The following UNC13C variants were observed in gnomAD, a reference collection of about 807,000 sequenced individuals.
The protein encoded by UNC13C is protein unc-13 homolog C.
Under a neutral mutation model 245.4 loss-of-function variants are expected in UNC13C, and 174 were observed. That is an observed-to-expected ratio of 0.71 (90% CI 0.63 to 0.80). UNC13C has a LOEUF of 0.80. Ranked by LOEUF, UNC13C falls within the 30% of genes least tolerant of loss-of-function variation. UNC13C has a pLI of 0.00. For missense variants in UNC13C, 2,829 were observed against 2,602.9 expected, an observed-to-expected ratio of 1.09 and a Z score of -1.89; for synonymous variants, 992 against 895.1, an observed-to-expected ratio of 1.11 and a Z score of -1.93.
the UNC13C span, among the ~76,000 whole-genome samples, chr15:53,859,927 G>T: frequency 1.3e-5 from 2 of 152,022 alleles, no homozygotes; most frequent in Non-Finnish European, 2.9e-5. Context: ...GGTTCTTTAG[G>T]GTGAGAAATA....
chr15:53,939,698 T>A, the UNC13C span, among the ~76,000 whole-genome samples: 50,301 of 151,980 alleles, frequency 0.33, 8,354 homozygotes, highest in Middle Eastern at 0.34. Context: ...CAAATTAATA[T>A]AGATAATTCA....
the UNC13C span, among the ~76,000 whole-genome samples, chr15:53,921,505 A>G: frequency 1.3e-5 from 2 of 152,344 alleles, no homozygotes; most frequent in East Asian, 1.9e-4. Flanking sequence ...TGGAGACTAT[A>G]TATTGCATAC....
chr15:53,920,057 A>G, the UNC13C span, among the ~76,000 whole-genome samples: 460 of 152,048 alleles, frequency 3.0e-3, no homozygotes, highest in African/African-American at 0.01. Flanking sequence ...TGTTAGCCTA[A>G]TTTACTATGA....
chr15:53,912,549 T>C, the UNC13C span: 107,727 of 151,938 alleles, frequency 0.71, 38,566 homozygotes, highest in South Asian at 0.85. Flanking sequence ...TACTCTGCTA[T>C]CCACCTGTAC....
At chr15:54,122,036 A>G (rs1046477361) in intron 2 of UNC13C, among the ~76,000 whole-genome samples, 1 of 152,058 alleles carries the variant, frequency 6.6e-6, no homozygotes, top group African/African-American at 2.4e-5. Context: ...TAGGCTGTCT[A>G]TAGGTTGCTT....
intron 30 of UNC13C, among the ~76,000 whole-genome samples, chr15:54,591,891 CTG>C (rs1485143434): frequency 2.0e-5 from 3 of 151,914 alleles, no homozygotes; most frequent in Admixed American, 6.6e-5. Context: ...CTTAGATTGT[CTG>C]TGTGTGCTCT....
intron 19 of UNC13C, among the ~76,000 whole-genome samples, chr15:54,453,538 A>AT (rs1891299709): frequency 6.6e-6 from 1 of 152,168 alleles, no homozygotes; most frequent in Non-Finnish European, 1.5e-5. Context: ...AGGTTGTTAG[A>AT]TTTTTTAAGT....
intron 15 of UNC13C, among the ~76,000 whole-genome samples, chr15:54,333,278 A>C (rs556798150): frequency 1.3e-3 from 204 of 152,176 alleles, no homozygotes; most frequent in African/African-American, 4.6e-3. Flanking sequence ...TTTTTTTAAA[A>C]TCCATAGTAT....
At chr15:54,172,600 T>C (rs2141286427) in intron 4 of UNC13C, among the ~76,000 whole-genome samples, 1 of 150,420 alleles carries the variant, frequency 6.6e-6, no homozygotes, top group Non-Finnish European at 1.5e-5. Context: ...AATGTTTCCA[T>C]ATTATTTTTC....
At chr15:54,362,760 C>A (rs1567215979) in intron 17 of UNC13C, among the ~76,000 whole-genome samples, 1 of 152,058 alleles carries the variant, frequency 6.6e-6, no homozygotes. Flanking sequence ...TACTGCATGA[C>A]TCAGACAAAT....
rs996266471 is a variant in UNC13C at position 54,144,323 on chromosome 15, G to T, written c.3071+639G>T. Among the ~76,000 whole-genome samples the T allele has an allele frequency of 6.2e-5, 4 of 64,910 alleles. 1 individual carries two copies. Among genetic ancestry groups the T allele is most frequent in the African/African-American group, 9.6e-5 (2 of 20,832 alleles). 42.6% of individuals were successfully genotyped at this position (64,910 alleles called of 152,430 possible). A position where few individuals can be genotyped will look rare whatever the true frequency, so the allele number is the denominator to read the frequency against. On this transcript the variant is annotated intron_variant, in intron 4 of 32. Transcript: ENST00000260323. ...GTGTTCATATAAAATAAGTAGTTTT[G>T]CATCGTGGTTTTTTTTTTTGCATTT... is the stretch of plus-strand genomic sequence containing the variant.
At chr15:54,498,179 A>G (rs1894039817) in intron 20 of UNC13C, among the ~76,000 whole-genome samples, 1 of 152,094 alleles carries the variant, frequency 6.6e-6, no homozygotes, top group Non-Finnish European at 1.5e-5. Flanking sequence ...TTTCATTGAC[A>G]ATGCTTACAC....
intron 4 of UNC13C, among the ~76,000 whole-genome samples, chr15:54,219,207 G>C (rs1458198512): frequency 1.3e-5 from 2 of 151,784 alleles, no homozygotes; most frequent in African/African-American, 2.4e-5. Context: ...TATACTACAA[G>C]GCTACAGTAA....
intron 19 of UNC13C, among the ~76,000 whole-genome samples, chr15:54,475,958 C>A (rs1892715872): frequency 8.8e-6 from 1 of 114,092 alleles, no homozygotes; most frequent in African/African-American, 3.4e-5. Flanking sequence ...TCCACATCCT[C>A]TCCAGCACCT....
At chr15:54,573,045 T>G (rs562748512) in intron 30 of UNC13C, among the ~76,000 whole-genome samples, 1 of 152,188 alleles carries the variant, frequency 6.6e-6, no homozygotes, top group Non-Finnish European at 1.5e-5. Flanking sequence ...TTTTTTTCAC[T>G]ATTTTCAGGC....
chr15:54,338,377 G>A lies in UNC13C; in HGVS notation c.4601G>A (p.Ser1534Asn). ...CTTTGTCAGGTTCTGGAGCTGCAAA[G>A]CCCCCCAAAAGCGAGCATGGTGGTG... is the stretch of plus-strand genomic sequence containing the variant. ...FFRMKVLELQ[S>N]PPKASMVVKD... Residue 1534 changes from serine (S) to asparagine (N), a missense_variant, in exon 17 of 33, where the codon AGC becomes AAC. Physicochemically the swap from Ser to Asn is conservative, Grantham distance 46 (BLOSUM62 1). Coordinates refer to ENST00000260323, the MANE Select transcript of UNC13C (RefSeq NM_001080534.3). 1 of 1,611,978 alleles carries A rather than the reference G, an allele frequency of 6.2e-7. No homozygotes were observed. Among genetic ancestry groups the A allele is most frequent in the Non-Finnish European group, 8.5e-7 (1 of 1,178,646 alleles).
chr15:54,239,383 G>T (rs2035792756), intron 7 of UNC13C, among the ~76,000 whole-genome samples: 1 of 152,090 alleles, frequency 6.6e-6, no homozygotes, highest in Non-Finnish European at 1.5e-5. Flanking sequence ...ATTTTCTATT[G>T]TGCCACAGGA....
chr15:54,457,222 T>G (rs1163183799), intron 19 of UNC13C, among the ~76,000 whole-genome samples: 6 of 152,184 alleles, frequency 3.9e-5, no homozygotes, highest in Non-Finnish European at 8.8e-5. Context: ...ATCCTTGGTA[T>G]GAAACCCTCT....
chr15:54,013,621 C>G lies in UNC13C; in HGVS notation c.718C>G (p.His240Asp), dbSNP rs753892539. The G allele has an allele frequency of 6.2e-7, 1 of 1,613,646 alleles. No homozygotes were observed. ...FSSSGCISQTHDVMEMIFKEL... is the reference protein window; with the variant it reads ...FSSSGCISQTDDVMEMIFKEL... The stretch of plus-strand genomic sequence containing the variant: ...TTCCTCTGGCTGCATTAGCCAAACA[C>G]ATGATGTCATGGAAATGATCTTTAA... Residue 240 changes from histidine to aspartate, a missense_variant, in exon 2 of 33, where the codon CAT becomes GAT. By Grantham distance (81) the His-to-Asp change is moderately conservative. Coordinates refer to ENST00000260323, the MANE Select transcript of UNC13C (RefSeq NM_001080534.3).
Sources: gnomAD v4.1 joint callset for allele counts (sites outside exome capture counted in the v4.1 genomes callset) on GRCh38, gnomAD v4.1.1 for gene constraint, MANE v1.5 for transcripts, NCBI Gene and HGNC (gene_info 2026-07-23, HGNC 2026-07-21) for gene names.